Variants in TM6SF1 observed in about 807,000 individuals in gnomAD.
TM6SF1 encodes transmembrane 6 superfamily member 1.
TM6SF1 carries 43 observed loss-of-function variants against 47.1 expected under a neutral mutation model. The ratio of observed to expected loss-of-function variants is 0.91; its 90% CI spans 0.72 to 1.18. The LOEUF (loss-of-function observed/expected upper bound fraction) is 1.18, where lower values mean the gene tolerates loss of function less well. Ranked by LOEUF, TM6SF1 falls within the 50% of genes most tolerant of loss-of-function variation. TM6SF1 has a pLI of 0.00. For synonymous variants in TM6SF1, 177 were observed against 166.3 expected (o/e 1.06, Z -0.49); for missense variants, 390 against 449.0 (o/e 0.87, Z 1.19).
intron 7 of TM6SF1, among the ~76,000 whole-genome samples, chr15:83,126,124 G>A (rs2035727103): frequency 6.6e-6 from 1 of 152,142 alleles, no homozygotes; most frequent in African/African-American, 2.4e-5. Flanking sequence ...TTGGATTGGG[G>A]CCATTTTTAC....
chr15:83,125,996 A>C (rs2035716845), intron 7 of TM6SF1, among the ~76,000 whole-genome samples: 1 of 152,224 alleles, frequency 6.6e-6, no homozygotes, highest in Non-Finnish European at 1.5e-5. Flanking sequence ...TAATTCTTAA[A>C]GTTCAAACAA....
At chr15:83,132,888 T>A (rs2036349490) in intron 9 of TM6SF1, 1 of 152,234 alleles carries the variant, frequency 6.6e-6, no homozygotes, top group Non-Finnish European at 1.5e-5. Flanking sequence ...TATGTACTTA[T>A]CCTTTCATGG....
chr15:83,112,020 T>A (rs1327466894), intron 1 of TM6SF1, among the ~76,000 whole-genome samples: 1 of 152,106 alleles, frequency 6.6e-6, no homozygotes, highest in Non-Finnish European at 1.5e-5. Context: ...AGGATCCCGG[T>A]TTCCTGACTG....
chr15:83,118,997 C>G (rs962585623), intron 3 of TM6SF1, among the ~76,000 whole-genome samples: 7 of 152,140 alleles, frequency 4.6e-5, no homozygotes, highest in South Asian at 4.1e-4. Context: ...CATCTGTTTC[C>G]TCATCTGTAA....
At chr15:83,132,512 C>T (rs2036321803) in intron 9 of TM6SF1, 1 of 151,992 alleles carries the variant, frequency 6.6e-6, no homozygotes, top group South Asian at 2.1e-4. Flanking sequence ...GATATGGAAA[C>T]TTACGTGTGA....
chr15:83,111,463 A>G (rs540117130), intron 1 of TM6SF1: 1 of 196,408 alleles, frequency 5.1e-6, no homozygotes, highest in East Asian at 1.9e-4. Context: ...CCATCCTTTC[A>G]TCCATCATCC....
chr15:83,117,111 A>T (rs2034734725), intron 3 of TM6SF1, among the ~76,000 whole-genome samples: 2 of 152,194 alleles, frequency 1.3e-5, no homozygotes, highest in South Asian at 4.1e-4. Flanking sequence ...AGTTGGTGAC[A>T]CTGCTGTAGC....
Position 83,124,657 on chromosome 15 carries a change from C to A in TM6SF1, c.604-15C>A, listed in dbSNP as rs755090219. On this transcript the variant is annotated splice_polypyrimidine_tract_variant and intron_variant, in intron 6 of 9. Transcript: ENST00000322019. ...GCACTTTGGGCCTGCTCTTTAGGTA[C>A]AAACTCTATTTTAGGTTATTCAAGA... 6.8e-6 allele frequency: 11 copies of A among 1,608,454 alleles called. No homozygotes were observed. Among genetic ancestry groups the A allele is most frequent in the East Asian group, 4.5e-5 (2 of 44,794 alleles).
At chr15:83,111,788 A>G (rs2034208635) in intron 1 of TM6SF1, 1 of 592,178 alleles carries the variant, frequency 1.7e-6, no homozygotes, top group Non-Finnish European at 2.1e-6. Flanking sequence ...ACTGCAGGAG[A>G]ACTCCTAGTG....
rs760714814 is a variant in TM6SF1, at chr15:83,136,550, G to A, written c.991G>A (p.Ala331Thr). The A allele has an allele frequency of 6.2e-7, 1 of 1,613,646 alleles. No homozygotes were observed. The highest frequency in any genetic ancestry group is 1.1e-5 in the South Asian group (1 of 91,000). The change falls in exon 10 of 10, where the codon GCA (alanine) becomes ACA (threonine). Residue 331 changes from alanine to threonine, a missense_variant. By Grantham distance (58) the Ala-to-Thr change is moderately conservative. Coordinates refer to ENST00000322019, the MANE Select transcript of TM6SF1 (RefSeq NM_023003.5). ...TTATGTCTACAGAGTCCCTGAAGAA[G>A]CAAAAATCCTTTTTTTAGCATTAAA... ...TAYVYRVPEE[A>T]KILFLALNIA...
intron 1 of TM6SF1, among the ~76,000 whole-genome samples, chr15:83,111,429 T>C (rs1416043263): frequency 6.6e-6 from 1 of 151,988 alleles, no homozygotes; most frequent in Admixed American, 6.6e-5. Flanking sequence ...TCATCCATCA[T>C]CTATCCATTC....
rs758556252 is a variant in TM6SF1, at chr15:83,126,793, T to C, written c.747T>C (p.Tyr249=). Residue 249 remains tyrosine, a synonymous_variant, in exon 8 of 10, where the codon TAT becomes TAC. Transcript: ENST00000322019. The stretch of plus-strand genomic sequence containing the variant: ...GCCCATCTGAGCTCTGCCGATTATA[T>C]ACGCAATTTCAAGAGCCCTATCTAA... The part of the protein sequence containing the change: ...LDCPSELCRL[Y]TQFQEPYLKD... The C allele has an allele frequency of 7.4e-6, 12 of 1,614,070 alleles. No homozygotes were observed. Among genetic ancestry groups the C allele is most frequent in the Middle Eastern group, 1.6e-4 (1 of 6,062 alleles).
chr15:83,119,814 G>C, intron 4 of TM6SF1, 133 bp downstream of exon 4: 1 of 1,413,780 alleles, frequency 7.1e-7, no homozygotes, highest in South Asian at 1.4e-5. Flanking sequence ...ATGGGTGCAC[G>C]TCAGACGTGG....
intron 9 of TM6SF1, chr15:83,130,583 A>G (rs2036160899): frequency 1.3e-5 from 2 of 152,240 alleles, no homozygotes; most frequent in African/African-American, 4.8e-5. Flanking sequence ...CAGACTGAGT[A>G]AAGAATTATG....
chr15:83,115,206 C>A (rs571583376), intron 2 of TM6SF1: 3 of 157,246 alleles, frequency 1.9e-5, no homozygotes, highest in East Asian at 3.7e-4. Context: ...CAACCTCCGC[C>A]TCCTGGGTTC....
intron 3 of TM6SF1, among the ~76,000 whole-genome samples, chr15:83,118,912 G>A (rs2034954589): frequency 2.0e-5 from 3 of 152,110 alleles, no homozygotes; most frequent in African/African-American, 7.2e-5. Flanking sequence ...ATTTGCCCAG[G>A]AGAAGTATGG....
intron 2 of TM6SF1, 97 bp downstream of exon 2, chr15:83,112,997 C>T: frequency 9.5e-7 from 1 of 1,053,068 alleles, no homozygotes; most frequent in Non-Finnish European, 1.5e-6. Flanking sequence ...ATACTCTGAG[C>T]CCTTTGGTAA....
chr15:83,118,232 C>CGT (rs1375298234), intron 3 of TM6SF1, among the ~76,000 whole-genome samples: 7 of 60,334 alleles, frequency 1.2e-4, no homozygotes, highest in African/African-American at 8.4e-4. Context: ...TCTGTACGTA[C>CGT]ACACACACAC....
At chr15:83,112,556 T>G (rs2034284559) in intron 1 of TM6SF1, among the ~76,000 whole-genome samples, 2 of 151,882 alleles carry the variant, frequency 1.3e-5, no homozygotes, top group African/African-American at 4.8e-5. Flanking sequence ...TGAGACAGGA[T>G]AAGAGGAGAA....
Sources: gnomAD v4.1 joint callset for allele counts (sites outside exome capture counted in the v4.1 genomes callset) on GRCh38, gnomAD v4.1.1 for gene constraint, MANE v1.5 for transcripts, NCBI Gene and HGNC (gene_info 2026-07-23, HGNC 2026-07-21) for gene names.